Variants in KCTD8 observed in about 807,000 individuals in gnomAD.
KCTD8 encodes BTB/POZ domain-containing protein KCTD8.
In KCTD8, 27 loss-of-function variants were observed where a neutral mutation model predicts 31.5. That is an observed-to-expected ratio of 0.86 (90% CI 0.63 to 1.18). KCTD8 has a LOEUF of 1.18. Among genes scored for constraint, KCTD8 ranks in the 50% most tolerant of loss-of-function variants. KCTD8 has a pLI of 0.00. For synonymous variants in KCTD8, 290 were observed against 280.0 expected (o/e 1.04, Z -0.36); for missense variants, 658 against 647.7 (o/e 1.02, Z -0.17).
chr4:44,288,198 T>C (rs992261410), intron 1 of KCTD8, among the ~76,000 whole-genome samples: 1 of 152,142 alleles, frequency 6.6e-6, no homozygotes, highest in African/African-American at 2.4e-5. Flanking sequence ...TTGAACATAA[T>C]TAACATTAGA....
chr4:44,362,488 C>A (rs1035749224), intron 1 of KCTD8, among the ~76,000 whole-genome samples: 1 of 151,968 alleles, frequency 6.6e-6, no homozygotes, highest in African/African-American at 2.4e-5. Context: ...AGAATGGCTC[C>A]TATAATAATA....
At chr4:44,194,594 T>G (rs1005129907) in intron 1 of KCTD8, among the ~76,000 whole-genome samples, 1 of 152,212 alleles carries the variant, frequency 6.6e-6, no homozygotes, top group East Asian at 1.9e-4. Context: ...CTTGAAGTGC[T>G]GAGAACACAG....
intron 1 of KCTD8, among the ~76,000 whole-genome samples, chr4:44,307,561 A>T (rs1717838795): frequency 6.6e-6 from 1 of 151,998 alleles, no homozygotes; most frequent in South Asian, 2.1e-4. Context: ...TGTTGTCATT[A>T]TGATGTCAGA....
At position 44,448,558 on chromosome 4, in the gene KCTD8, G is replaced by T; in HGVS notation, c.-35C>A. ...GCCGCCGGCCCAGTGACCCGAGAGA[G>T]CTGCACTTTCTCGTTCCCGGAGCCC... On this transcript the variant is annotated 5_prime_UTR_variant, in exon 1 of 2. Coordinates refer to ENST00000360029, the MANE Select transcript of KCTD8 (RefSeq NM_198353.3). This position sits in a 1 kb window ranked among gnomAD's most constrained non-coding sequence, Gnocchi z 4.1. 1 of 1,422,092 alleles carries T rather than the reference G, an allele frequency of 7.0e-7. No homozygotes were observed. The highest frequency in any genetic ancestry group is 9.2e-7 in the Non-Finnish European group (1 of 1,092,222). 88.1% of individuals were successfully genotyped at this position (1,422,092 alleles called of 1,614,324 possible).
At chr4:44,330,118 A>T (rs1006957572) in intron 1 of KCTD8, among the ~76,000 whole-genome samples, 2 of 151,980 alleles carry the variant, frequency 1.3e-5, no homozygotes, top group African/African-American at 2.4e-5. Context: ...CATTGTAACT[A>T]AAAACCTCAC....
At chr4:44,289,778 G>A (rs781372465) in intron 1 of KCTD8, among the ~76,000 whole-genome samples, 3 of 152,174 alleles carry the variant, frequency 2.0e-5, no homozygotes, top group Admixed American at 1.3e-4. Flanking sequence ...TGCACACAGG[G>A]CAGCTGCAGT....
At chr4:44,383,102 G>C (rs1476793887) in intron 1 of KCTD8, among the ~76,000 whole-genome samples, 1 of 150,896 alleles carries the variant, frequency 6.6e-6, no homozygotes, top group African/African-American at 2.4e-5. Flanking sequence ...CCTATGAATA[G>C]ATTAAACCAA....
At chr4:44,246,524 C>A (rs866174244) in intron 1 of KCTD8, among the ~76,000 whole-genome samples, 1 of 151,958 alleles carries the variant, frequency 6.6e-6, no homozygotes, top group Non-Finnish European at 1.5e-5. Flanking sequence ...AGACTTCTTT[C>A]GGAGGAAGTA....
At chr4:44,343,836 G>A (rs557779536) in intron 1 of KCTD8, among the ~76,000 whole-genome samples, 1 of 151,700 alleles carries the variant, frequency 6.6e-6, no homozygotes, top group Admixed American at 6.6e-5. Context: ...ACATTACAGG[G>A]TTTTTTTTGT....
intron 1 of KCTD8, among the ~76,000 whole-genome samples, chr4:44,357,266 T>C (rs184251657): frequency 8.5e-4 from 129 of 152,306 alleles, no homozygotes; most frequent in African/African-American, 2.9e-3. Flanking sequence ...GGTGGCAACC[T>C]GACAAAAGAT....
At chr4:44,244,847 T>TGGG (rs58257678) in intron 1 of KCTD8, among the ~76,000 whole-genome samples, 34 of 132,748 alleles carry the variant, frequency 2.6e-4, no homozygotes, top group Middle Eastern at 4.1e-3. Flanking sequence ...CCTGTAGTTG[T>TGGG]GGGGGGGGGG....
At chr4:44,318,182 C>T (rs1420591966) in intron 1 of KCTD8, among the ~76,000 whole-genome samples, 3 of 152,146 alleles carry the variant, frequency 2.0e-5, no homozygotes, top group Non-Finnish European at 2.9e-5. Context: ...TGATCCATTG[C>T]TTGCATTTGT....
rs201625063 is a variant in KCTD8, at chr4:44,374,336, C to T, written c.961+73227G>A. ...TTGCTTGCCATTCTCTCGGCCTTCA[C>T]AGAATCAGAGTTAGTGTCTTACTCT... On this transcript the variant is annotated intron_variant, in intron 1 of 1. Transcript: ENST00000360029. Among the ~76,000 whole-genome samples the T allele has an allele frequency of 7.4e-4, 113 of 152,254 alleles. No homozygotes were observed. In the East Asian group the frequency reaches 0.013, roughly 17 times the overall value.
At chr4:44,319,129 G>C (rs1718220075) in intron 1 of KCTD8, among the ~76,000 whole-genome samples, 1 of 152,134 alleles carries the variant, frequency 6.6e-6, no homozygotes. Context: ...GAAATTCAAA[G>C]GCAGTTGGAA....
chr4:44,250,079 AAC>A (rs1408291251), intron 1 of KCTD8, among the ~76,000 whole-genome samples: 2 of 151,760 alleles, frequency 1.3e-5, no homozygotes, highest in African/African-American at 2.4e-5. Context: ...AAAAAATTCT[AAC>A]AGCATGGCTC....
At chr4:44,397,349 T>C (rs1209212335) in intron 1 of KCTD8, among the ~76,000 whole-genome samples, 1 of 152,170 alleles carries the variant, frequency 6.6e-6, no homozygotes, top group African/African-American at 2.4e-5. Flanking sequence ...CATATACGTA[T>C]ACATTATGTT....
chr4:44,250,845 TC>T (rs1190095300), intron 1 of KCTD8, among the ~76,000 whole-genome samples: 1 of 151,782 alleles, frequency 6.6e-6, no homozygotes, highest in African/African-American at 2.4e-5. Flanking sequence ...AAACATTTCC[TC>T]CAATTCAAAA....
chr4:44,265,925 C>T (rs1313904261), intron 1 of KCTD8, among the ~76,000 whole-genome samples: 1 of 152,074 alleles, frequency 6.6e-6, no homozygotes, highest in Non-Finnish European at 1.5e-5. Context: ...GATTGGTGTA[C>T]CTGAAAGTGA....
chr4:44,441,254 T>C lies in KCTD8; in HGVS notation c.961+6309A>G, dbSNP rs970464764. On this transcript the variant is annotated intron_variant, in intron 1 of 1. Coordinates refer to ENST00000360029, the MANE Select transcript of KCTD8 (RefSeq NM_198353.3). ...TACTACTACTAAAAAAAAAATACAC[T>C]TTAAGTCAGTTTATCGAGCCTACAG... Among the ~76,000 whole-genome samples, 55 of 151,946 alleles carry C rather than the reference T, an allele frequency of 3.6e-4. 1 individual carries two copies. The highest frequency in any genetic ancestry group is 8.8e-5 in the Non-Finnish European group (6 of 67,972).
Sources: gnomAD v4.1 joint callset for allele counts (sites outside exome capture counted in the v4.1 genomes callset) on GRCh38, gnomAD v4.1.1 for gene constraint, Gnocchi (gnomAD v3.1) non-coding constraint, MANE v1.5 for transcripts, NCBI Gene and HGNC (gene_info 2026-07-23, HGNC 2026-07-21) for gene names.